CCDC171: variants seen among roughly 807,000 people sequenced by gnomAD.
The protein encoded by CCDC171 is coiled-coil domain containing 171, also known as coiled-coil domain-containing protein 171.
In CCDC171, 177 loss-of-function variants were observed where a neutral mutation model predicts 168.2. That is an observed-to-expected ratio of 1.05 (90% CI 0.93 to 1.19). CCDC171 has a LOEUF of 1.19. Among genes scored for constraint, CCDC171 ranks in the 50% most tolerant of loss-of-function variants. The pLI, the probability that CCDC171 is intolerant of heterozygous loss-of-function variation, is 0.00. For missense variants in CCDC171, 1,991 were observed against 1,539.0 expected, an observed-to-expected ratio of 1.29 and a Z score of -4.91; for synonymous variants, 687 against 540.8, an observed-to-expected ratio of 1.27 and a Z score of -3.75.
chr9:15,997,464 G>A (rs1391907697), intron 3 of CCDC171, among the ~76,000 whole-genome samples: 1 of 152,164 alleles, frequency 6.6e-6, no homozygotes, highest in African/African-American at 2.4e-5. Context: ...AGGGAGTTCA[G>A]AGTGGACCAC....
intron 9 of CCDC171, among the ~76,000 whole-genome samples, chr9:15,675,461 C>G (rs533478584): frequency 2.6e-5 from 4 of 152,168 alleles, no homozygotes; most frequent in Admixed American, 2.0e-4. Context: ...CAGTTTCTTC[C>G]TAGCCTTGAT....
chr9:15,636,636 C>G (rs1170601511), intron 7 of CCDC171, among the ~76,000 whole-genome samples: 1 of 150,760 alleles, frequency 6.6e-6, no homozygotes, highest in Admixed American at 6.7e-5. Flanking sequence ...GTAGTCCCAG[C>G]TGCTTGGGAG....
intron 7 of CCDC171, among the ~76,000 whole-genome samples, chr9:15,628,300 C>T (rs1016722274): frequency 6.6e-6 from 1 of 152,122 alleles, no homozygotes; most frequent in Non-Finnish European, 1.5e-5. Flanking sequence ...CAGGTGGCAC[C>T]TGGAAAATCG....
the CCDC171 span, among the ~76,000 whole-genome samples, chr9:16,102,873 T>C: frequency 6.6e-6 from 1 of 152,206 alleles, no homozygotes; most frequent in Non-Finnish European, 1.5e-5. Flanking sequence ...CTTTGAATTA[T>C]ACAAATGGAC....
At chr9:15,778,143 A>G (rs4740625) in intron 19 of CCDC171, among the ~76,000 whole-genome samples, 56,765 of 149,248 alleles carry the variant, frequency 0.38, 12,734 homozygotes, top group East Asian at 0.65. Context: ...TAAAAATACA[A>G]AAAATTAGCC....
intron 21 of CCDC171, among the ~76,000 whole-genome samples, chr9:15,800,951 T>C (rs1411568556): frequency 7.2e-5 from 11 of 152,116 alleles, no homozygotes; most frequent in African/African-American, 2.4e-4. Flanking sequence ...CTGGGCTCTC[T>C]ATTCATTCCA....
chr9:15,992,882 T>G (rs1832245605), intron 3 of CCDC171, among the ~76,000 whole-genome samples: 1 of 152,070 alleles, frequency 6.6e-6, no homozygotes, highest in African/African-American at 2.4e-5. Context: ...GAATCCAACT[T>G]ACAAGGGATG....
chr9:15,676,838 A>G (rs1406817587), intron 9 of CCDC171, among the ~76,000 whole-genome samples: 1 of 152,092 alleles, frequency 6.6e-6, no homozygotes, highest in Non-Finnish European at 1.5e-5. Flanking sequence ...GATCTTTTGT[A>G]TGTAGTCCAC....
chr9:15,701,252 C>T (rs540945554), intron 11 of CCDC171, among the ~76,000 whole-genome samples: 3 of 152,030 alleles, frequency 2.0e-5, no homozygotes, highest in Non-Finnish European at 4.4e-5. Flanking sequence ...TTAATATAGT[C>T]CCTTTGGTTT....
At chr9:15,564,219 A>T (rs2039543842) in intron 2 of CCDC171, 90 bp downstream of exon 2, 1 of 911,434 alleles carries the variant, frequency 1.1e-6, no homozygotes, top group Non-Finnish European at 1.7e-6. Flanking sequence ...AACTGTAAGA[A>T]TTCTCATGGG....
intron 6 of CCDC171, among the ~76,000 whole-genome samples, chr9:15,616,774 G>A (rs1242954435): frequency 6.6e-6 from 1 of 152,152 alleles, no homozygotes; most frequent in East Asian, 1.9e-4. Context: ...GTTCTTAAAA[G>A]TGCTTTCATA....
At chr9:15,828,932 A>G (rs2060123635) in intron 21 of CCDC171, among the ~76,000 whole-genome samples, 1 of 152,132 alleles carries the variant, frequency 6.6e-6, no homozygotes, top group African/African-American at 2.4e-5. Flanking sequence ...TGGCATTTGG[A>G]AGACTGGGAA....
intron 21 of CCDC171, among the ~76,000 whole-genome samples, chr9:15,809,989 T>G (rs2059266813): frequency 6.6e-6 from 1 of 152,178 alleles, no homozygotes; most frequent in Non-Finnish European, 1.5e-5. Flanking sequence ...TTGGTGCATT[T>G]ACAAACCTTT....
In CCDC171 at chr9:15,779,051, C is replaced by G. The variant is rs377563242; in HGVS notation, c.2982C>G (p.Arg994=). 1 of 1,605,520 alleles carries G rather than the reference C, an allele frequency of 6.2e-7. No individual in the cohort carries two copies. Among genetic ancestry groups the G allele is most frequent in the Non-Finnish European group, 8.5e-7 (1 of 1,176,282 alleles). Residue 994 remains arginine, a synonymous_variant, in exon 20 of 26, where the codon CGC becomes CGG. Coordinates refer to ENST00000380701, the MANE Select transcript of CCDC171 (RefSeq NM_173550.4). ...HAAEVERRSL[R]LEVTEFKRSV... ...CAGAAGTGGAGCGCCGCTCACTACG[C>G]TTAGAGGTCACAGAATTCAAACGAA...
intron 25 of CCDC171, among the ~76,000 whole-genome samples, chr9:15,957,444 C>G (rs143990023): frequency 6.6e-6 from 1 of 152,158 alleles, no homozygotes; most frequent in African/African-American, 2.4e-5. Flanking sequence ...CTCATTGAAT[C>G]CAAGCACCTT....
At chr9:15,682,925 C>G (rs1664695015) in intron 10 of CCDC171, among the ~76,000 whole-genome samples, 1 of 151,878 alleles carries the variant, frequency 6.6e-6, no homozygotes, top group South Asian at 2.1e-4. Context: ...TATTAAAGTC[C>G]ATCTGAGGCT....
At chr9:16,067,220 G>A in the CCDC171 span, among the ~76,000 whole-genome samples, 2 of 151,984 alleles carry the variant, frequency 1.3e-5, no homozygotes, top group African/African-American at 4.8e-5. Context: ...CAGTGATGAT[G>A]AGCATTTTTT....
At chr9:15,596,226 A>G (rs4740617) in intron 6 of CCDC171, among the ~76,000 whole-genome samples, 63,606 of 151,134 alleles carry the variant, frequency 0.42, 14,500 homozygotes, top group East Asian at 0.75. Context: ...GCCCATGCCT[A>G]TGTCCTGAAT....
chr9:16,104,361 G>C, the CCDC171 span, among the ~76,000 whole-genome samples: 24 of 151,602 alleles, frequency 1.6e-4, no homozygotes, highest in African/African-American at 5.4e-4. Context: ...TTCTCTTCCA[G>C]CTGCCCGTGG....
Sources: gnomAD v4.1 joint callset for allele counts (sites outside exome capture counted in the v4.1 genomes callset) on GRCh38, gnomAD v4.1.1 for gene constraint, MANE v1.5 for transcripts, NCBI Gene and HGNC (gene_info 2026-07-23, HGNC 2026-07-21) for gene names.